The following FANCC variants were observed in gnomAD, a reference collection of about 807,000 sequenced individuals.
The protein encoded by FANCC is FA complementation group C.
A neutral mutation model predicts 71.3 loss-of-function variants in FANCC; 55 were observed. The observed-to-expected ratio is 0.77, with a 90% CI of 0.62 to 0.97. The LOEUF (loss-of-function observed/expected upper bound fraction) is 0.97. Among genes scored for constraint, FANCC ranks in the 50% least tolerant of loss-of-function variants. The pLI is 0.00. For synonymous variants in FANCC, 275 were observed against 244.9 expected (o/e 1.12, Z -1.15); for missense variants, 678 against 670.9 (o/e 1.01, Z -0.12).
chr9:95,302,355 G>C (rs1426180947), intron 1 of FANCC, among the ~76,000 whole-genome samples: 7 of 152,148 alleles, frequency 4.6e-5, no homozygotes, highest in Admixed American at 3.9e-4. Flanking sequence ...CAGTGAGCCA[G>C]GGCAAATGAT....
intron 4 of FANCC, among the ~76,000 whole-genome samples, chr9:95,234,815 A>G (rs1459381333): frequency 6.6e-6 from 1 of 152,232 alleles, no homozygotes. Flanking sequence ...AGCAGGCTTT[A>G]GACCCGGGAA....
intron 1 of FANCC, among the ~76,000 whole-genome samples, chr9:95,305,720 G>C (rs1294369313): frequency 6.6e-6 from 1 of 152,154 alleles, no homozygotes; most frequent in Non-Finnish European, 1.5e-5. Flanking sequence ...AAAGGCAACA[G>C]GATCAAATGT....
At chr9:95,120,707 C>T (rs897625063) in intron 10 of FANCC, among the ~76,000 whole-genome samples, 2 of 152,198 alleles carry the variant, frequency 1.3e-5, no homozygotes, top group African/African-American at 4.8e-5. Flanking sequence ...GGATTACAGG[C>T]ATGAGCCGCC....
intron 7 of FANCC, among the ~76,000 whole-genome samples, chr9:95,148,627 C>G (rs1468275515): frequency 6.6e-6 from 1 of 152,162 alleles, no homozygotes; most frequent in African/African-American, 2.4e-5. Context: ...GGTTTTGATA[C>G]TGCATATGAA....
chr9:95,211,585 A>C (rs1222060858), intron 4 of FANCC, among the ~76,000 whole-genome samples: 9 of 152,174 alleles, frequency 5.9e-5, no homozygotes, highest in Non-Finnish European at 1.3e-4. Flanking sequence ...AATCTACAAA[A>C]CATAAATGTC....
chr9:95,297,324 C>T (rs1834441795), intron 1 of FANCC, among the ~76,000 whole-genome samples: 1 of 152,190 alleles, frequency 6.6e-6, no homozygotes, highest in Non-Finnish European at 1.5e-5. Flanking sequence ...CAAAGGAATA[C>T]ACTACTCGTG....
At chr9:95,180,734 T>A (rs537402046) in intron 4 of FANCC, among the ~76,000 whole-genome samples, 71 of 152,212 alleles carry the variant, frequency 4.7e-4, no homozygotes, top group African/African-American at 1.7e-3. Context: ...TTTATTATTA[T>A]CAAGTAATTA....
chr9:95,128,760 ATTTC>A (rs1826405239), intron 8 of FANCC, among the ~76,000 whole-genome samples: 1 of 152,248 alleles, frequency 6.6e-6, no homozygotes, highest in South Asian at 2.1e-4. Flanking sequence ...CTCCTCTTAG[ATTTC>A]TTTCTTTCCA....
At chr9:95,194,823 C>G (rs1827324856) in intron 4 of FANCC, among the ~76,000 whole-genome samples, 1 of 152,132 alleles carries the variant, frequency 6.6e-6, no homozygotes, top group Non-Finnish European at 1.5e-5. Flanking sequence ...TTTCACAGAA[C>G]ACAAGGTTTT....
At chr9:95,109,814 A>C (rs1406587539) in intron 13 of FANCC, 1 of 152,228 alleles carries the variant, frequency 6.6e-6, no homozygotes, top group Non-Finnish European at 1.5e-5. Context: ...TCACATACGA[A>C]TCATGCTTTC....
intron 8 of FANCC, 29 bp downstream of exon 8, chr9:95,135,317 T>G: frequency 6.2e-7 from 1 of 1,610,942 alleles, no homozygotes; most frequent in Admixed American, 1.7e-5. Flanking sequence ...CTTCAAGGAT[T>G]TTTCCCTTCA....
In FANCC at chr9:95,100,391, C is replaced by T. The variant is rs2071034692; in HGVS notation, c.*1316G>A. 1 of 231,262 alleles carries T rather than the reference C, an allele frequency of 4.3e-6. No individual in the cohort carries two copies. Among genetic ancestry groups the T allele is most frequent in the Non-Finnish European group, 8.6e-6 (1 of 116,882 alleles). 14.3% of individuals were successfully genotyped at this position (231,262 alleles called of 1,614,324 possible). A position where few individuals can be genotyped will look rare whatever the true frequency, so the allele number is the denominator to read the frequency against. ...GTGGATCTATTAGCATTGCCACATA[C>T]CAAAATAAGGAATTTCCCTAAAGGT... On this transcript the variant is annotated 3_prime_UTR_variant, in exon 15 of 15. Coordinates refer to ENST00000289081, the MANE Select transcript of FANCC (RefSeq NM_000136.3).
At position 95,109,740 on chromosome 9, in the gene FANCC, C is replaced by CTGAT. The variant is rs935350484; in HGVS notation, c.1329+1719_1329+1722dup. The CTGAT allele has an allele frequency of 4.6e-4, 70 of 152,260 alleles. 1 individual carries two copies. The highest frequency in any genetic ancestry group is 1.7e-3 in the African/African-American group (70 of 41,444). 9.4% of individuals were successfully genotyped at this position (152,260 alleles called of 1,614,324 possible). On this transcript the variant is annotated intron_variant, in intron 13 of 14. Coordinates refer to ENST00000289081, the MANE Select transcript of FANCC (RefSeq NM_000136.3). ...ACACGATGCGGGGATACGCCACCAG[C>CTGAT]TGATTTAATTGTGCCTTTTTAAGTA...
intron 4 of FANCC, among the ~76,000 whole-genome samples, chr9:95,194,153 A>C (rs1326706147): frequency 6.6e-6 from 1 of 152,120 alleles, no homozygotes; most frequent in Non-Finnish European, 1.5e-5. Flanking sequence ...TGGAAACTAG[A>C]TTAATTAAAT....
intron 1 of FANCC, among the ~76,000 whole-genome samples, chr9:95,282,499 AC>A (rs1833437787): frequency 6.6e-6 from 1 of 152,162 alleles, no homozygotes; most frequent in East Asian, 1.9e-4. Flanking sequence ...AGAGTTTAAC[AC>A]CCTATTTTCA....
chr9:95,128,997 G>A (rs916908209), intron 8 of FANCC, among the ~76,000 whole-genome samples: 3 of 151,896 alleles, frequency 2.0e-5, no homozygotes, highest in Admixed American at 6.6e-5. Flanking sequence ...CCAACTCCTG[G>A]GTTCAAAAGA....
At position 95,099,261 on chromosome 9, in the gene FANCC, A is replaced by G. The variant is rs2071003606; in HGVS notation, c.*2446T>C. On this transcript the variant is annotated 3_prime_UTR_variant, in exon 15 of 15. Transcript: ENST00000289081. ...TTTATCAAAAACTAAACTATCAGGG[A>G]GAGTCTACAAAAACTCCTGCTAGAG... 1 of 219,958 alleles carries G rather than the reference A, an allele frequency of 4.5e-6. No homozygotes were observed. Among genetic ancestry groups the G allele is most frequent in the Non-Finnish European group, 9.1e-6 (1 of 109,892 alleles). 13.6% of individuals were successfully genotyped at this position (219,958 alleles called of 1,614,324 possible).
At chr9:95,226,742 C>T (rs1829643905) in intron 4 of FANCC, among the ~76,000 whole-genome samples, 1 of 152,180 alleles carries the variant, frequency 6.6e-6, no homozygotes, top group African/African-American at 2.4e-5. Flanking sequence ...ACAGAATGTC[C>T]ACCCACTCCC....
At chr9:95,174,141 T>C (rs781245043) in intron 4 of FANCC, among the ~76,000 whole-genome samples, 11 of 152,204 alleles carry the variant, frequency 7.2e-5, no homozygotes, top group Non-Finnish European at 1.0e-4. Context: ...TTCTGGAGGC[T>C]GGGAAGTCCA....
Sources: gnomAD v4.1 joint callset for allele counts (sites outside exome capture counted in the v4.1 genomes callset) on GRCh38, gnomAD v4.1.1 for gene constraint, MANE v1.5 for transcripts, NCBI Gene and HGNC (gene_info 2026-07-23, HGNC 2026-07-21) for gene names.